GAB2: variants seen among roughly 807,000 people sequenced by gnomAD.
GAB2 encodes the protein GRB2 associated binding protein 2.
Under a neutral mutation model 65.5 loss-of-function variants are expected in GAB2, and 26 were observed. The observed-to-expected ratio is 0.40, with a 90% CI of 0.29 to 0.55. The LOEUF (loss-of-function observed/expected upper bound fraction) is 0.55. Ranked by LOEUF, GAB2 falls within the 20% of genes least tolerant of loss-of-function variation. The pLI, the probability that GAB2 is intolerant of heterozygous loss-of-function variation, is 0.53. For missense variants in GAB2, 884 were observed against 875.8 expected (o/e 1.01, Z -0.12); for synonymous variants, 321 against 329.6 (o/e 0.97, Z 0.28).
chr11:78,349,921 G>GT lies in GAB2; in HGVS notation c.75+67724dup, dbSNP rs144514085. Among the ~76,000 whole-genome samples the GT allele has an allele frequency of 8.3e-3, 1,250 of 149,920 alleles. 14 individuals carry two copies. The highest frequency in any genetic ancestry group is 0.029 in the African/African-American group (1,177 of 40,688). ...GGCGAATGGATCACAGATGACAGAG[G>GT]TAAAAAAAAGAAAAAAAGAAAAAAA... On this transcript the variant is annotated intron_variant, in intron 1 of 9. Coordinates refer to ENST00000361507, the MANE Select transcript of GAB2 (RefSeq NM_080491.3).
intron 1 of GAB2, among the ~76,000 whole-genome samples, chr11:78,357,888 A>G (rs1344100398): frequency 6.6e-6 from 1 of 152,210 alleles, no homozygotes; most frequent in Non-Finnish European, 1.5e-5. Flanking sequence ...ACACTGTGGC[A>G]ATTCCTCAAG....
intron 1 of GAB2, among the ~76,000 whole-genome samples, chr11:78,313,438 G>C (rs116669877): frequency 0.015 from 2,271 of 152,262 alleles, 64 homozygotes; most frequent in African/African-American, 0.052. Context: ...GAACTGCAAG[G>C]TGCTTGATGC....
intron 3 of GAB2, among the ~76,000 whole-genome samples, chr11:78,232,532 T>A (rs554698052): frequency 6.6e-6 from 1 of 152,346 alleles, no homozygotes; most frequent in African/African-American, 2.4e-5. Flanking sequence ...CCGTTGGCAA[T>A]AGATATTATT....
intron 1 of GAB2, among the ~76,000 whole-genome samples, chr11:78,306,512 G>A (rs890147897): frequency 6.6e-6 from 1 of 152,192 alleles, no homozygotes; most frequent in Admixed American, 6.5e-5. Flanking sequence ...GATTACAGGC[G>A]GTGAGCACTG....
chr11:78,259,847 TACTC>T (rs1865686349), intron 2 of GAB2, among the ~76,000 whole-genome samples: 1 of 152,108 alleles, frequency 6.6e-6, no homozygotes, highest in Non-Finnish European at 1.5e-5. Context: ...ATTCAGAACT[TACTC>T]CAAGAGCCCT....
chr11:78,287,127 C>T (rs1228121541), intron 1 of GAB2, among the ~76,000 whole-genome samples: 1 of 152,198 alleles, frequency 6.6e-6, no homozygotes, highest in East Asian at 1.9e-4. Context: ...TGAAGAAAAA[C>T]TGCATGATCA....
chr11:78,373,795 AC>A (rs1356446406), intron 1 of GAB2, among the ~76,000 whole-genome samples: 1 of 152,088 alleles, frequency 6.6e-6, no homozygotes, highest in Non-Finnish European at 1.5e-5. Flanking sequence ...GATCACACAA[AC>A]CCCTCAAACA....
intron 1 of GAB2, among the ~76,000 whole-genome samples, chr11:78,392,909 C>T (rs142430094): frequency 7.1e-4 from 108 of 152,330 alleles, no homozygotes; most frequent in Admixed American, 2.4e-3. Context: ...TACTTTCTTG[C>T]AACACTTTCC....
chr11:78,263,984 A>T (rs1192508526), intron 2 of GAB2, among the ~76,000 whole-genome samples: 1 of 152,048 alleles, frequency 6.6e-6, no homozygotes, highest in Non-Finnish European at 1.5e-5. Flanking sequence ...TGTAAGGAAA[A>T]TGAGAACAGC....
At chr11:78,227,631 C>CAAAAAAAAAAAAAAAAA (rs55716895) in intron 3 of GAB2, among the ~76,000 whole-genome samples, 47 of 106,052 alleles carry the variant, frequency 4.4e-4, no homozygotes, top group East Asian at 9.3e-4. Flanking sequence ...CCATTGCCAC[C>CAAAAAAAAAAAAAAAAA]AAAAAAAAAA....
intron 2 of GAB2, among the ~76,000 whole-genome samples, chr11:78,264,487 G>T (rs373798221): frequency 6.6e-6 from 1 of 151,406 alleles, no homozygotes; most frequent in Non-Finnish European, 1.5e-5. Context: ...TGCAGCCTCC[G>T]CCTCCCAGAT....
At chr11:78,225,972 T>A (rs552630529) in intron 4 of GAB2, among the ~76,000 whole-genome samples, 4 of 152,330 alleles carry the variant, frequency 2.6e-5, no homozygotes, top group Admixed American at 2.0e-4. Flanking sequence ...CAAGTAACAA[T>A]AGAATTTAGG....
chr11:78,338,731 C>G (rs1437757757), intron 1 of GAB2, among the ~76,000 whole-genome samples: 1 of 152,190 alleles, frequency 6.6e-6, no homozygotes, highest in Admixed American at 6.5e-5. Flanking sequence ...TGTGGTTGTT[C>G]TGGTTTGAAG....
intron 1 of GAB2, among the ~76,000 whole-genome samples, chr11:78,300,180 T>C (rs192497771): frequency 1.3e-5 from 2 of 152,284 alleles, no homozygotes; most frequent in African/African-American, 4.8e-5. Flanking sequence ...ATTTGTCTTT[T>C]CTAGAACATC....
intron 1 of GAB2, among the ~76,000 whole-genome samples, chr11:78,384,165 G>A (rs1856736052): frequency 6.6e-6 from 1 of 152,104 alleles, no homozygotes; most frequent in African/African-American, 2.4e-5. Context: ...GCACCAGATG[G>A]GTGTGAATGT....
chr11:78,406,539 G>A (rs991437382), intron 1 of GAB2, among the ~76,000 whole-genome samples: 1 of 152,058 alleles, frequency 6.6e-6, no homozygotes, highest in Non-Finnish European at 1.5e-5. Context: ...CACCATGCCT[G>A]GGTAATTTTT....
In GAB2 at chr11:78,343,950, T is replaced by C. The variant is rs1275905736; in HGVS notation, c.76-63049A>G. ...CAGACCAGGTAGCCAGAAGGTACCA[T>C]ACTGAATAGCACAGAATTAGACAAC... is the stretch of plus-strand genomic sequence containing the variant. On this transcript the variant is annotated intron_variant, in intron 1 of 9. Coordinates refer to ENST00000361507, the MANE Select transcript of GAB2 (RefSeq NM_080491.3). Among the ~76,000 whole-genome samples the C allele has an allele frequency of 7.2e-5, 11 of 152,218 alleles. No homozygotes were observed. In the East Asian group the frequency reaches 1.7e-3, roughly 24 times the overall value.
At chr11:78,366,400 C>T (rs556342441) in intron 1 of GAB2, among the ~76,000 whole-genome samples, 20 of 151,676 alleles carry the variant, frequency 1.3e-4, no homozygotes, top group African/African-American at 4.1e-4. Flanking sequence ...GCCAACATGG[C>T]GAAATTAGAT....
chr11:78,367,839 T>A (rs1790425715), intron 1 of GAB2, among the ~76,000 whole-genome samples: 1 of 149,514 alleles, frequency 6.7e-6, no homozygotes, highest in Non-Finnish European at 1.5e-5. Flanking sequence ...TTTTTTTTTT[T>A]TTTGAGACGG....
Sources: gnomAD v4.1 joint callset for allele counts (sites outside exome capture counted in the v4.1 genomes callset) on GRCh38, gnomAD v4.1.1 for gene constraint, MANE v1.5 for transcripts, NCBI Gene and HGNC (gene_info 2026-07-23, HGNC 2026-07-21) for gene names.